Variants in ERC2 observed in about 807,000 individuals in gnomAD.
ERC2 encodes ERC protein 2.
ERC2 carries 42 observed loss-of-function variants against 114.8 expected under a neutral mutation model. The observed-to-expected ratio is 0.37, with a 90% CI of 0.29 to 0.47. The LOEUF is 0.47. Ranked by LOEUF, ERC2 falls within the 20% of genes least tolerant of loss-of-function variation. The pLI is 0.99. For synonymous variants in ERC2, 454 were observed against 425.5 expected (o/e 1.07, Z -0.82); for missense variants, 939 against 1,150.7 (o/e 0.82, Z 2.66).
At chr3:55,769,601 A>G (rs998711705) in intron 14 of ERC2, among the ~76,000 whole-genome samples, 10 of 152,180 alleles carry the variant, frequency 6.6e-5, no homozygotes, top group South Asian at 6.2e-4. Flanking sequence ...TGGTTGAACA[A>G]TTAGAAATTT....
At chr3:55,836,210 A>G (rs2060876368) in intron 14 of ERC2, among the ~76,000 whole-genome samples, 1 of 152,198 alleles carries the variant, frequency 6.6e-6, no homozygotes, top group South Asian at 2.1e-4. Context: ...TGCCATCCCC[A>G]TCAAGTTAAC....
intron 17 of ERC2, among the ~76,000 whole-genome samples, chr3:55,635,709 T>A (rs1283200061): frequency 6.6e-6 from 1 of 150,600 alleles, no homozygotes; most frequent in Admixed American, 6.6e-5. Context: ...TTTTCTGATA[T>A]CATTTAAAGC....
At chr3:55,859,329 G>A (rs550950976) in intron 14 of ERC2, among the ~76,000 whole-genome samples, 9 of 150,248 alleles carry the variant, frequency 6.0e-5, no homozygotes, top group Non-Finnish European at 8.9e-5. Flanking sequence ...TCACCCCCTC[G>A]CAGTAACTCT....
chr3:55,737,851 T>TTAAAA, intron 14 of ERC2, among the ~76,000 whole-genome samples: 1 of 152,158 alleles, frequency 6.6e-6, no homozygotes. Flanking sequence ...GAGGTGGTAT[T>TTAAAA]TCTTTTTGGA....
intron 17 of ERC2, among the ~76,000 whole-genome samples, chr3:55,525,827 GCAGGTGGGGACTA>G (rs2053276338): frequency 6.6e-6 from 1 of 152,198 alleles, no homozygotes; most frequent in African/African-American, 2.4e-5. Context: ...CTGGGTGGAG[GCAGGTGGGGACTA>G]CATAACCTTT....
chr3:55,851,643 A>G (rs1326468932), intron 14 of ERC2, among the ~76,000 whole-genome samples: 2 of 152,178 alleles, frequency 1.3e-5, no homozygotes, highest in Non-Finnish European at 2.9e-5. Context: ...AGTTTTAAAA[A>G]ATAGTTTTTA....
chr3:56,103,261 T>C (rs2078455963), intron 6 of ERC2, among the ~76,000 whole-genome samples: 1 of 152,094 alleles, frequency 6.6e-6, no homozygotes, highest in Non-Finnish European at 1.5e-5. Context: ...AGAATTCAAT[T>C]GGCAGGGTGA....
chr3:56,366,947 C>T (rs763157253), intron 2 of ERC2, among the ~76,000 whole-genome samples: 7 of 152,182 alleles, frequency 4.6e-5, no homozygotes, highest in Non-Finnish European at 1.0e-4. Flanking sequence ...TGGGAGGGCG[C>T]AGATTGCCAG....
intron 1 of ERC2, among the ~76,000 whole-genome samples, chr3:56,443,183 T>G (rs1315623777): frequency 6.6e-6 from 1 of 152,202 alleles, no homozygotes; most frequent in African/African-American, 2.4e-5. Flanking sequence ...CAGGCTGCAG[T>G]AAGAGGCTGT....
At chr3:56,320,659 A>C (rs1020314949) in intron 2 of ERC2, among the ~76,000 whole-genome samples, 4 of 152,220 alleles carry the variant, frequency 2.6e-5, no homozygotes, top group African/African-American at 9.6e-5. Flanking sequence ...GAATGTGTAC[A>C]TCAAGAAAAA....
In ERC2 at chr3:56,104,633, ATTT is replaced by A. The variant is rs11332087; in HGVS notation, c.1474-23652_1474-23650del. Among the ~76,000 whole-genome samples the A allele has an allele frequency of 6.6e-3, 977 of 148,688 alleles. 20 individuals carry two copies. The highest frequency in any genetic ancestry group is 0.023 in the African/African-American group (921 of 40,534). ...GACTAGGACACATTCTAGATCCTGT[ATTT>A]TTTTTTTTTTTAAGTTACATTTTAG... On this transcript the variant is annotated intron_variant, in intron 6 of 17. Coordinates refer to ENST00000288221, the MANE Select transcript of ERC2 (RefSeq NM_015576.3).
chr3:55,832,705 C>A lies in ERC2; in HGVS notation c.2564+55684G>T, dbSNP rs1399112659. Reference sequence around the variant, plus strand: ...AAACTCTAAAAAGCAGAGCGCCTCTCCTCCTTCAAAGGAACGCAGTTCCTC... The same window carrying A: ...AAACTCTAAAAAGCAGAGCGCCTCTACTCCTTCAAAGGAACGCAGTTCCTC... On this transcript the variant is annotated intron_variant, in intron 14 of 17. Coordinates refer to ENST00000288221, the MANE Select transcript of ERC2 (RefSeq NM_015576.3). Among the ~76,000 whole-genome samples the A allele has an allele frequency of 5.9e-5, 9 of 152,350 alleles. No individual in the cohort carries two copies. The South Asian group carries it at 1.9e-3, about 32-fold the overall frequency.
intron 2 of ERC2, among the ~76,000 whole-genome samples, chr3:56,340,542 A>ATGTGTGTGTGTGTGTGTGTGTGTGTG (rs10690369): frequency 7.1e-5 from 10 of 141,416 alleles, no homozygotes; most frequent in African/African-American, 2.7e-4. Flanking sequence ...GAGAGAGTGA[A>ATGTGTGTGTGTGTGTGTGTGTGTGTG]TGTGTGTGTG....
At chr3:56,437,577 C>T (rs1356278010) in intron 1 of ERC2, among the ~76,000 whole-genome samples, 2 of 152,196 alleles carry the variant, frequency 1.3e-5, no homozygotes, top group Non-Finnish European at 2.9e-5. Flanking sequence ...TTCCCCTTTC[C>T]CTCAAGAGGT....
intron 2 of ERC2, 168 bp downstream of exon 2, chr3:56,434,183 G>A: frequency 1.6e-6 from 1 of 621,364 alleles, no homozygotes; most frequent in Non-Finnish European, 2.8e-6. Context: ...AGCTGTAATG[G>A]TATATTTCCT....
At chr3:56,317,662 T>C (rs1022283021) in intron 2 of ERC2, among the ~76,000 whole-genome samples, 7 of 152,228 alleles carry the variant, frequency 4.6e-5, no homozygotes, top group Non-Finnish European at 2.9e-5. Flanking sequence ...TGAACACCCC[T>C]ATGTGCCAGG....
chr3:56,221,901 C>CA (rs561029187), intron 3 of ERC2, among the ~76,000 whole-genome samples: 165 of 140,922 alleles, frequency 1.2e-3, no homozygotes, highest in African/African-American at 3.5e-3. Flanking sequence ...CGTCTCAAAA[C>CA]AAAAAAAAAA....
chr3:55,779,858 A>ATTATT (rs1162874798), intron 14 of ERC2, among the ~76,000 whole-genome samples: 2 of 152,032 alleles, frequency 1.3e-5, no homozygotes, highest in Admixed American at 1.3e-4. Context: ...ACCACGGCAA[A>ATTATT]TTATCTTACA....
intron 12 of ERC2, among the ~76,000 whole-genome samples, chr3:55,961,182 G>C (rs938484969): frequency 1.3e-5 from 2 of 152,124 alleles, no homozygotes; most frequent in African/African-American, 4.8e-5. Context: ...CTCCTACTGT[G>C]CAAGTCTTAT....
Sources: allele counts gnomAD v4.1 joint callset (sites outside exome capture counted in the v4.1 genomes callset), GRCh38; gene constraint gnomAD v4.1.1; transcripts MANE v1.5; gene names NCBI Gene and HGNC (gene_info 2026-07-23, HGNC 2026-07-21).